The following RNF10 variants were observed in gnomAD, a reference collection of about 807,000 sequenced individuals.
RNF10 encodes the protein E3 ubiquitin-protein ligase RNF10.
In RNF10, 38 loss-of-function variants were observed where a neutral mutation model predicts 91.4. The observed-to-expected ratio is 0.42, with a 90% confidence interval of 0.32 to 0.54. The LOEUF (loss-of-function observed/expected upper bound fraction) is 0.54. Among genes scored for constraint, RNF10 ranks in the 20% least tolerant of loss-of-function variants. RNF10 has a pLI of 0.16. For missense variants in RNF10, 945 were observed against 1,012.0 expected, an observed-to-expected ratio of 0.93 and a Z score of 0.90; for synonymous variants, 364 against 366.3, an observed-to-expected ratio of 0.99 and a Z score of 0.07.
intron 13 of RNF10, among the ~76,000 whole-genome samples, chr12:120,567,986 G>A (rs549990691): frequency 5.3e-5 from 8 of 151,994 alleles, no homozygotes; most frequent in African/African-American, 7.2e-5. Context: ...GGCCAGGCAC[G>A]GTGGCTCACA....
chr12:120,568,461 C>A (rs944347340), intron 13 of RNF10, among the ~76,000 whole-genome samples: 1 of 150,140 alleles, frequency 6.7e-6, no homozygotes, highest in Non-Finnish European at 1.5e-5. Flanking sequence ...ATCTGCCTGG[C>A]ACATGGTTTA....
At chr12:120,543,284 AT>A (rs1871832909) in intron 1 of RNF10, among the ~76,000 whole-genome samples, 1 of 152,204 alleles carries the variant, frequency 6.6e-6, no homozygotes, top group Admixed American at 6.6e-5. Flanking sequence ...AGGCCTGAGC[AT>A]AGGAATTCCG....
chr12:120,565,720 A>G (rs531527033), intron 12 of RNF10, among the ~76,000 whole-genome samples, 191 bp downstream of exon 12: 4 of 152,240 alleles, frequency 2.6e-5, no homozygotes, highest in Non-Finnish European at 4.4e-5. Context: ...TGCCTAGCAC[A>G]TAGTAAGGAT....
At chr12:120,562,853 C>T in intron 7 of RNF10, 92 bp from the exon 8 acceptor site, 1 of 1,512,022 alleles carries the variant, frequency 6.6e-7, no homozygotes, top group Non-Finnish European at 9.1e-7. Flanking sequence ...AACTTTTGGT[C>T]CTGTTGAGAG....
chr12:120,535,654 G>A (rs1035366449), intron 1 of RNF10: 4 of 152,184 alleles, frequency 2.6e-5, no homozygotes, highest in Non-Finnish European at 4.4e-5. Context: ...TAGGATATCT[G>A]GCGTCTATTT....
At chr12:120,561,718 C>A (rs1049887838) in intron 7 of RNF10, among the ~76,000 whole-genome samples, 34 of 152,182 alleles carry the variant, frequency 2.2e-4, no homozygotes, top group African/African-American at 7.2e-5. Flanking sequence ...TATTTGAATT[C>A]CCTTCTCCCT....
intron 2 of RNF10, among the ~76,000 whole-genome samples, chr12:120,552,189 G>A (rs1873208799): frequency 6.6e-6 from 1 of 151,926 alleles, no homozygotes; most frequent in East Asian, 1.9e-4. Flanking sequence ...GAGGTCAAGA[G>A]TTGGAGACCA....
chr12:120,552,763 G>A, intron 3 of RNF10, 65 bp downstream of exon 3: 1 of 1,405,700 alleles, frequency 7.1e-7, no homozygotes. Context: ...TGGTGCCTCT[G>A]TGAGAGGCTT....
Position 120,566,849 on chromosome 12 carries a change from A to G in RNF10, c.1910A>G (p.Glu637Gly). The change falls in exon 13 of 17, where the codon GAG (glutamate) becomes GGG (glycine). Residue 637 changes from glutamate to glycine, a missense_variant. Glu to Gly is a moderately conservative substitution (Grantham distance 98). Transcript: ENST00000325954. ...GACCCAGAAGTCCACATTCCCCTCGAGAATCTACAGCAGTTTCCTGCCTTC... is the reference window on the plus strand; with the variant it reads ...GACCCAGAAGTCCACATTCCCCTCGGGAATCTACAGCAGTTTCCTGCCTTC... ...GKYPEVHIPL[E>G]NLQQFPAFNS... is the part of the protein sequence containing the mutation. 6.2e-7 allele frequency: 1 copy of G among 1,613,770 alleles called. No individual in the cohort carries two copies. The highest frequency in any genetic ancestry group is 1.1e-5 in the South Asian group (1 of 91,038).
intron 1 of RNF10, among the ~76,000 whole-genome samples, chr12:120,544,039 C>G (rs971415158): frequency 4.0e-5 from 6 of 151,414 alleles, no homozygotes. Flanking sequence ...ACCAGCCTGG[C>G]CAATGTGGCG....
intron 1 of RNF10, among the ~76,000 whole-genome samples, chr12:120,539,214 G>A (rs1341727861): frequency 1.3e-5 from 2 of 152,118 alleles, no homozygotes; most frequent in Non-Finnish European, 2.9e-5. Flanking sequence ...GAAAATAGAG[G>A]CTTAGCAGTG....
intron 6 of RNF10, among the ~76,000 whole-genome samples, chr12:120,559,927 C>G (rs1874590427): frequency 6.6e-6 from 1 of 150,976 alleles, no homozygotes; most frequent in Admixed American, 6.6e-5. Flanking sequence ...GAACTCCTAA[C>G]TTCAGGTGAT....
intron 13 of RNF10, chr12:120,570,284 T>G (rs1876438903): frequency 6.6e-6 from 1 of 150,866 alleles, no homozygotes; most frequent in Non-Finnish European, 1.5e-5. Flanking sequence ...CTTCCCAGGT[T>G]CAAGTGATTG....
intron 2 of RNF10, among the ~76,000 whole-genome samples, chr12:120,549,952 TC>T (rs1018081179): frequency 6.6e-6 from 1 of 152,094 alleles, no homozygotes; most frequent in African/African-American, 2.4e-5. Context: ...AGGAGTGTAT[TC>T]CGGTCTGGAC....
intron 14 of RNF10, chr12:120,575,128 A>G (rs539122677): frequency 6.4e-6 from 1 of 156,988 alleles, no homozygotes; most frequent in African/African-American, 2.4e-5. Context: ...AATCCCAGCT[A>G]CTTGGGAGGC....
chr12:120,573,697 T>A (rs1364632472), intron 14 of RNF10, among the ~76,000 whole-genome samples: 1 of 152,114 alleles, frequency 6.6e-6, no homozygotes, highest in East Asian at 1.9e-4. Context: ...AAGGGGTCCC[T>A]GCTTGTGAAG....
chr12:120,574,120 C>T (rs1033749665), intron 14 of RNF10, among the ~76,000 whole-genome samples: 3 of 152,150 alleles, frequency 2.0e-5, no homozygotes, highest in Admixed American at 6.5e-5. Flanking sequence ...AATGTCTAAA[C>T]CGTAGGAGAC....
At chr12:120,575,264 T>C (rs771702199) in intron 14 of RNF10, 30 of 251,740 alleles carry the variant, frequency 1.2e-4, no homozygotes, top group East Asian at 1.0e-4. Context: ...TACTACTCAC[T>C]GCTTCCTCCG....
intron 2 of RNF10, 62 bp from the exon 3 acceptor site, chr12:120,552,434 TGGG>T: frequency 2.9e-6 from 4 of 1,391,488 alleles, no homozygotes; most frequent in African/African-American, 1.4e-5. Flanking sequence ...GGGTTTTTTT[TGGG>T]TTTCTGCTAT....
Sources: gnomAD v4.1 joint callset for allele counts (sites outside exome capture counted in the v4.1 genomes callset) on GRCh38, gnomAD v4.1.1 for gene constraint, MANE v1.5 for transcripts, NCBI Gene and HGNC (gene_info 2026-07-23, HGNC 2026-07-21) for gene names.